EPB41: variants seen among roughly 807,000 people sequenced by gnomAD.
EPB41 encodes the protein protein 4.1.
Under a neutral mutation model 108.0 loss-of-function variants are expected in EPB41, and 65 were observed. That is an observed-to-expected ratio of 0.60 (90% confidence interval 0.49 to 0.74). The LOEUF (loss-of-function observed/expected upper bound fraction) is 0.74, where lower values mean the gene tolerates loss of function less well. Among genes scored for constraint, EPB41 ranks in the 30% least tolerant of loss-of-function variants. The pLI is 0.00. For synonymous variants in EPB41, 336 were observed against 358.9 expected (o/e 0.94, Z 0.72); for missense variants, 875 against 1,037.0 (o/e 0.84, Z 2.15).
chr1:29,106,552 C>T (rs1185779), intron 17 of EPB41, among the ~76,000 whole-genome samples: 29,927 of 134,500 alleles, frequency 0.22, 3,772 homozygotes, highest in Non-Finnish European at 0.3. Flanking sequence ...CTCAGCCTCC[C>T]GAGTAGCTGG....
At position 28,987,104 on chromosome 1, in the gene EPB41, G is replaced by A. The variant is rs180869403; in HGVS notation, c.-7-327G>A. ...CACTAAACCACAGTCCTTTTTTAAG[G>A]AAGGATAAAACTGTATTTACTGTAT... On this transcript the variant is annotated intron_variant, in intron 1 of 20. Coordinates refer to ENST00000343067, the MANE Select transcript of EPB41 (RefSeq NM_001376013.1). Among the ~76,000 whole-genome samples the A allele has an allele frequency of 3.7e-3, 570 of 152,196 alleles. 6 individuals are homozygous for A. Among genetic ancestry groups the A allele is most frequent in the African/African-American group, 0.013 (531 of 41,526 alleles).
At chr1:28,894,773 G>T (rs2090487863) in intron 1 of EPB41, among the ~76,000 whole-genome samples, 1 of 152,170 alleles carries the variant, frequency 6.6e-6, no homozygotes, top group African/African-American at 2.4e-5. Flanking sequence ...GCATAGGTGT[G>T]GGAAGGAGTT....
intron 1 of EPB41, chr1:28,982,441 A>C (rs1362198118): frequency 2.6e-6 from 2 of 759,450 alleles, no homozygotes; most frequent in Non-Finnish European, 4.9e-6. Flanking sequence ...CTTCTTGCCC[A>C]TGGCAGCTGT....
At chr1:28,921,010 C>T (rs1006110795) in intron 1 of EPB41, among the ~76,000 whole-genome samples, 4 of 152,128 alleles carry the variant, frequency 2.6e-5, no homozygotes, top group African/African-American at 9.7e-5. Context: ...CTCAAGTGAT[C>T]CTCCTGTCTC....
chr1:29,002,117 C>T (rs1572238171), intron 4 of EPB41, among the ~76,000 whole-genome samples: 1 of 152,036 alleles, frequency 6.6e-6, no homozygotes, highest in African/African-American at 2.4e-5. Context: ...TAGAATCATG[C>T]TTGACATGTA....
chr1:28,887,683 C>T lies in EPB41; in HGVS notation c.-8+473C>T. The T allele has an allele frequency of 2.0e-6, 2 of 985,230 alleles. No homozygotes were observed. The highest frequency in any genetic ancestry group is 2.4e-6 in the Non-Finnish European group (2 of 829,786). The allele number at this position is 985,230 out of a possible 1,614,324, so 61.0% of individuals were successfully genotyped here. A position where few individuals can be genotyped will look rare whatever the true frequency, so the allele number is the denominator to read the frequency against. On this transcript the variant is annotated intron_variant, in intron 1 of 16. Coordinates refer to the EPB41 transcript ENST00000347529. This position sits in a 1 kb window ranked among gnomAD's most constrained non-coding sequence, Gnocchi z 4.9. ...GCTCCGGGGCCTGGAGCCCCGCGCCCCGCTCCGGCCCTTACGTAACTGACT... is the reference window on the plus strand; with the variant it reads ...GCTCCGGGGCCTGGAGCCCCGCGCCTCGCTCCGGCCCTTACGTAACTGACT...
At chr1:28,910,821 A>G (rs1283129484), upstream of EPB41, among the ~76,000 whole-genome samples, 2 of 151,826 alleles carry the variant, frequency 1.3e-5, no homozygotes, top group Non-Finnish European at 2.9e-5. Context: ...CGGGGCCTGT[A>G]TTCCCTAGGA....
At chr1:28,912,979 C>T (rs1490783869), upstream of EPB41, among the ~76,000 whole-genome samples, 1 of 151,664 alleles carries the variant, frequency 6.6e-6, no homozygotes, top group African/African-American at 2.4e-5. Context: ...CCCCAACCCT[C>T]GTTTTTGTTT....
rs958030713 is a variant in EPB41, at chr1:29,119,300, G to T, written c.*2488G>T. ...TTTTTCTTTCTGCAGTTGTGTGTATGTGTGTTTGTGTGAAGAAAAACAGAC... is the reference window on the plus strand; with the variant it reads ...TTTTTCTTTCTGCAGTTGTGTGTATTTGTGTTTGTGTGAAGAAAAACAGAC... On this transcript the variant is annotated 3_prime_UTR_variant, in exon 21 of 21. Coordinates refer to ENST00000343067, the MANE Select transcript of EPB41 (RefSeq NM_001376013.1). The T allele has an allele frequency of 1.3e-5, 2 of 152,548 alleles. No individual in the cohort carries two copies. Among genetic ancestry groups the T allele is most frequent in the African/African-American group, 4.8e-5 (2 of 41,400 alleles). 9.4% of individuals were successfully genotyped at this position (152,548 alleles called of 1,614,324 possible). A position where few individuals can be genotyped will look rare whatever the true frequency, so the allele number is the denominator to read the frequency against.
At chr1:29,113,095 C>A (rs538476540) in intron 19 of EPB41, among the ~76,000 whole-genome samples, 1 of 152,120 alleles carries the variant, frequency 6.6e-6, no homozygotes, top group African/African-American at 2.4e-5. Context: ...GTGGGTTGAT[C>A]TAGATAATTT....
At chr1:29,042,698 T>C (rs1355475974) in intron 11 of EPB41, among the ~76,000 whole-genome samples, 2 of 152,032 alleles carry the variant, frequency 1.3e-5, no homozygotes, top group African/African-American at 4.8e-5. Context: ...AGGCTAGTCT[T>C]GAACTCCTGG....
chr1:28,939,277 C>G (rs1235267571), intron 1 of EPB41, among the ~76,000 whole-genome samples: 3 of 151,800 alleles, frequency 2.0e-5, no homozygotes, highest in Non-Finnish European at 4.4e-5. Context: ...GTCTTTTATT[C>G]TATTGGTGTG....
At position 29,109,321 on chromosome 1, in the gene EPB41, T is replaced by C; in HGVS notation, c.2314-15T>C. Reference sequence around the variant, plus strand: ...TCCTGAGAGGCATGATGATGAGCCATGCTTTCTTCTGCAGACTGACGACAA... The same window carrying C: ...TCCTGAGAGGCATGATGATGAGCCACGCTTTCTTCTGCAGACTGACGACAA... On this transcript the variant is annotated splice_polypyrimidine_tract_variant and intron_variant, in intron 17 of 20. Coordinates refer to ENST00000343067, the MANE Select transcript of EPB41 (RefSeq NM_001376013.1). 1 of 1,607,714 alleles carries C rather than the reference T, an allele frequency of 6.2e-7. No homozygotes were observed. Among genetic ancestry groups the C allele is most frequent in the Non-Finnish European group, 8.5e-7 (1 of 1,174,196 alleles).
intron 17 of EPB41, among the ~76,000 whole-genome samples, chr1:29,102,987 G>T (rs1039902907): frequency 1.3e-5 from 2 of 152,078 alleles, no homozygotes; most frequent in Non-Finnish European, 2.9e-5. Context: ...TGGTCAGGCT[G>T]GTCTCGAACT....
At chr1:29,051,288 G>A (rs995407332) in intron 11 of EPB41, among the ~76,000 whole-genome samples, 77 of 150,542 alleles carry the variant, frequency 5.1e-4, no homozygotes, top group African/African-American at 1.8e-3. Flanking sequence ...TAGTAGAGAC[G>A]ACGTTTCACC....
intron 16 of EPB41, among the ~76,000 whole-genome samples, chr1:29,066,538 A>G (rs753451259): frequency 2.6e-5 from 4 of 152,262 alleles, no homozygotes; most frequent in Admixed American, 6.5e-5. Context: ...TTTAGTCAGT[A>G]CAAGTGAAAT....
intron 5 of EPB41, among the ~76,000 whole-genome samples, chr1:29,014,146 G>A (rs909955365): frequency 1.3e-5 from 2 of 151,628 alleles, no homozygotes; most frequent in African/African-American, 2.4e-5. Context: ...GTGAAACCCC[G>A]TCTATACTTA....
Position 29,053,300 on chromosome 1 carries a change from A to G in EPB41, c.1833A>G (p.Thr611=), listed in dbSNP as rs1292443453. 14 of 1,614,124 alleles carry G rather than the reference A, an allele frequency of 8.7e-6. No individual in the cohort carries two copies. Among genetic ancestry groups the G allele is most frequent in the Non-Finnish European group, 1.2e-5 (14 of 1,180,048 alleles). ...CTGAGCAAGCTGAGCCAGAGCCCAC[A>G]GAAGCATGGAAGGTATGTCATCAGT... is the stretch of plus-strand genomic sequence containing the variant. ...EPPEQAEPEP[T]EAWKVEKTHI... Residue 611 remains threonine, a synonymous_variant, in exon 12 of 21, where the codon ACA becomes ACG. Coordinates refer to ENST00000343067, the MANE Select transcript of EPB41 (RefSeq NM_001376013.1).
chr1:28,929,592 C>T (rs185523213), intron 1 of EPB41, among the ~76,000 whole-genome samples: 61 of 151,404 alleles, frequency 4.0e-4, no homozygotes, highest in African/African-American at 1.3e-3. Flanking sequence ...AGTGCAATGG[C>T]GCGATCTTGG....
Sources: gnomAD v4.1 joint callset for allele counts (sites outside exome capture counted in the v4.1 genomes callset) on GRCh38, gnomAD v4.1.1 for gene constraint, Gnocchi (gnomAD v3.1) non-coding constraint, MANE v1.5 for transcripts, NCBI Gene and HGNC (gene_info 2026-07-23, HGNC 2026-07-21) for gene names.